NFKB1: variants seen among roughly 807,000 people sequenced by gnomAD.
NFKB1 encodes the protein nuclear factor NF-kappa-B p105 subunit.
Under a neutral mutation model 105.1 loss-of-function variants are expected in NFKB1, and 9 were observed. That is an observed-to-expected ratio of 0.09 (90% CI 0.05 to 0.15). NFKB1 has a LOEUF of 0.15. NFKB1 is among the 10% of genes least tolerant of loss of function. NFKB1 has a pLI of 1.00. For missense variants in NFKB1, 830 were observed against 1,203.7 expected (o/e 0.69, Z 4.59); for synonymous variants, 440 against 442.2 (o/e 1.00, Z 0.06).
intron 16 of NFKB1, among the ~76,000 whole-genome samples, chr4:102,603,526 G>A (rs947294597): frequency 6.6e-6 from 1 of 152,004 alleles, no homozygotes; most frequent in Non-Finnish European, 1.5e-5. Flanking sequence ...AAGACTATAC[G>A]TCCATTTTTC....
intron 7 of NFKB1, among the ~76,000 whole-genome samples, chr4:102,577,254 A>G (rs569471547): frequency 6.6e-6 from 1 of 152,256 alleles, no homozygotes; most frequent in East Asian, 1.9e-4. Flanking sequence ...CTCTGGCCCC[A>G]GCAACTTTCA....
chr4:102,593,310 T>C, intron 11 of NFKB1, 115 bp from the exon 12 acceptor site: 1 of 990,294 alleles, frequency 1.0e-6, no homozygotes. Context: ...CTTTGAGTGC[T>C]TTCTATTTCC....
chr4:102,576,765 A>G, intron 6 of NFKB1, 111 bp from the exon 7 acceptor site: 3 of 1,140,332 alleles, frequency 2.6e-6, no homozygotes, highest in South Asian at 1.5e-5. Flanking sequence ...TGTATAAAGC[A>G]TTGAGGGCCT....
Position 102,616,811 on chromosome 4 carries a change from A to C in NFKB1, c.*217A>C. 2.2e-6 allele frequency: 1 copy of C among 452,096 alleles called. No individual in the cohort carries two copies. The highest frequency in any genetic ancestry group is 3.9e-5 in the East Asian group (1 of 25,772). The allele number at this position is 452,096 out of a possible 1,614,324, so 28.0% of individuals were successfully genotyped here. A position where few individuals can be genotyped will look rare whatever the true frequency, so the allele number is the denominator to read the frequency against. On this transcript the variant is annotated 3_prime_UTR_variant, in exon 24 of 24. Coordinates refer to ENST00000226574, the MANE Select transcript of NFKB1 (RefSeq NM_003998.4). ...TTACAGATAGTATCTAGCAATCACAACACTGGCTGAGCGGATGCATCTGGG... is the reference window on the plus strand; with the variant it reads ...TTACAGATAGTATCTAGCAATCACACCACTGGCTGAGCGGATGCATCTGGG...
At chr4:102,603,484 A>G (rs1443686815) in intron 16 of NFKB1, among the ~76,000 whole-genome samples, 1 of 152,004 alleles carries the variant, frequency 6.6e-6, no homozygotes, top group Non-Finnish European at 1.5e-5. Flanking sequence ...CACCATTGAT[A>G]CTTCTATCCC....
At chr4:102,524,010 ACTGC>A (rs1740735646) in intron 1 of NFKB1, among the ~76,000 whole-genome samples, 1 of 151,936 alleles carries the variant, frequency 6.6e-6, no homozygotes, top group South Asian at 2.1e-4. Flanking sequence ...AGTACTCATG[ACTGC>A]TAGATAGACT....
At chr4:102,565,140 GT>G (rs3836562) in intron 5 of NFKB1, among the ~76,000 whole-genome samples, 102,034 of 149,126 alleles carry the variant, frequency 0.68, 35,208 homozygotes, top group African/African-American at 0.8. Context: ...TATACCCAGA[GT>G]TTTTTTTTTT....
chr4:102,502,280 G>A (rs909068759), intron 1 of NFKB1: 1 of 151,976 alleles, frequency 6.6e-6, no homozygotes, highest in African/African-American at 2.4e-5. Flanking sequence ...CAGCTCCCCA[G>A]AATTGAATAG....
chr4:102,586,024 G>A (rs1030334264), intron 11 of NFKB1, among the ~76,000 whole-genome samples: 6 of 152,174 alleles, frequency 3.9e-5, no homozygotes, highest in South Asian at 2.1e-4. Flanking sequence ...AGGGATAGCC[G>A]GGCCTGCCTA....
At chr4:102,578,067 C>A in intron 7 of NFKB1, 1 of 766,398 alleles carries the variant, frequency 1.3e-6, no homozygotes. Flanking sequence ...AAGTCTACTA[C>A]TTGGTAGGAG....
chr4:102,506,946 CA>C, intron 1 of NFKB1, among the ~76,000 whole-genome samples: 1 of 148,486 alleles, frequency 6.7e-6, no homozygotes, highest in South Asian at 2.1e-4. Flanking sequence ...ATGGCAACAA[CA>C]AAAAAGGTTA....
At chr4:102,574,948 A>G (rs1724692936) in intron 6 of NFKB1, among the ~76,000 whole-genome samples, 1 of 152,218 alleles carries the variant, frequency 6.6e-6, no homozygotes, top group Admixed American at 6.5e-5. Context: ...AAGATGCTAC[A>G]CAGATGTTTA....
chr4:102,526,559 A>G (rs1230735108), intron 2 of NFKB1, among the ~76,000 whole-genome samples: 1 of 152,210 alleles, frequency 6.6e-6, no homozygotes, highest in African/African-American at 2.4e-5. Flanking sequence ...TGTAGTGAAA[A>G]GATCTTTGAA....
intron 5 of NFKB1, among the ~76,000 whole-genome samples, chr4:102,551,508 T>C (rs1449724000): frequency 6.6e-6 from 1 of 152,138 alleles, no homozygotes; most frequent in African/African-American, 2.4e-5. Context: ...GGTGTACTTC[T>C]CAAACTAGAA....
At chr4:102,589,753 A>C (rs548620609) in intron 11 of NFKB1, among the ~76,000 whole-genome samples, 2 of 151,712 alleles carry the variant, frequency 1.3e-5, no homozygotes, top group African/African-American at 4.8e-5. Flanking sequence ...CAAAAAAAAG[A>C]ATACCTCATT....
chr4:102,541,260 A>G (rs187574516), intron 5 of NFKB1, among the ~76,000 whole-genome samples: 45 of 152,326 alleles, frequency 3.0e-4, no homozygotes, highest in Admixed American at 2.9e-3. Flanking sequence ...GCAACAAAGA[A>G]TCAACCTTAA....
chr4:102,600,689 C>G (rs1727072372), intron 15 of NFKB1, among the ~76,000 whole-genome samples: 1 of 152,168 alleles, frequency 6.6e-6, no homozygotes, highest in African/African-American at 2.4e-5. Flanking sequence ...AACGTAGCAG[C>G]CTTGGGTAGG....
chr4:102,561,085 A>G (rs1333050591), intron 5 of NFKB1, among the ~76,000 whole-genome samples: 1 of 152,218 alleles, frequency 6.6e-6, no homozygotes, highest in East Asian at 1.9e-4. Flanking sequence ...TTTACTAAGC[A>G]TCTTTTTATG....
At chr4:102,522,351 G>A (rs1740627068) in intron 1 of NFKB1, among the ~76,000 whole-genome samples, 1 of 152,126 alleles carries the variant, frequency 6.6e-6, no homozygotes, top group African/African-American at 2.4e-5. Flanking sequence ...TATTGCAAAG[G>A]CTATAAAAGT....
Sources: gnomAD v4.1 joint callset for allele counts (sites outside exome capture counted in the v4.1 genomes callset) on GRCh38, gnomAD v4.1.1 for gene constraint, MANE v1.5 for transcripts, NCBI Gene and HGNC (gene_info 2026-07-23, HGNC 2026-07-21) for gene names.